SDK1: variants seen among roughly 807,000 people sequenced by gnomAD.
SDK1 encodes the protein protein sidekick-1.
A neutral mutation model predicts 245.5 loss-of-function variants in SDK1; 157 were observed. That is an observed-to-expected ratio of 0.64 (90% CI 0.56 to 0.73). The LOEUF is 0.73. SDK1 is among the 30% of genes least tolerant of loss of function. SDK1 has a pLI of 0.00. For missense variants in SDK1, 3,583 were observed against 3,002.3 expected, an observed-to-expected ratio of 1.19 and a Z score of -4.52; for synonymous variants, 1,647 against 1,278.5, an observed-to-expected ratio of 1.29 and a Z score of -6.15.
chr7:3,700,052 T>C (rs1192589582), intron 4 of SDK1, among the ~76,000 whole-genome samples: 2 of 152,316 alleles, frequency 1.3e-5, no homozygotes, highest in East Asian at 3.9e-4. Context: ...GCAAACATTT[T>C]TCACTTACTG....
In SDK1 at chr7:3,465,749, G is replaced by A. The variant is rs144461960; in HGVS notation, c.299-153331G>A. Among the ~76,000 whole-genome samples the A allele has an allele frequency of 6.1e-3, 932 of 152,280 alleles. 7 individuals are homozygous for A. The highest frequency in any genetic ancestry group is 0.01 in the Non-Finnish European group (710 of 68,018). ...GTGTGAAGGAGTGTCCTGTCAGCCA[G>A]TTGAGACCACTGTGTTGGTGTTCTC... is the stretch of plus-strand genomic sequence containing the variant. On this transcript the variant is annotated intron_variant, in intron 1 of 44. Transcript: ENST00000404826.
chr7:3,661,780 A>T (rs1413978266), intron 4 of SDK1, among the ~76,000 whole-genome samples: 6 of 152,142 alleles, frequency 3.9e-5, no homozygotes, highest in Non-Finnish European at 5.9e-5. Context: ...CCTGGCTGTG[A>T]TACCTAATAG....
rs113990104 is a variant in SDK1, at chr7:3,477,344, C to T, written c.299-141736C>T. ...CTGAGTAGCTGGGATTACAGGCGTG[C>T]GCCACCACACCTGGTGAATTTTTGT... On this transcript the variant is annotated intron_variant, in intron 1 of 44. Transcript: ENST00000404826. 5.1e-4 allele frequency among the ~76,000 whole-genome samples: 76 copies of T among 147,710 alleles called. 1 individual carries two copies. The highest frequency in any genetic ancestry group is 1.7e-3 in the East Asian group (8 of 4,814).
At chr7:4,079,697 T>G in intron 22 of SDK1, 113 bp downstream of exon 22, 1 of 1,451,332 alleles carries the variant, frequency 6.9e-7, no homozygotes, top group Non-Finnish European at 9.4e-7. Flanking sequence ...ATGGGTGTGC[T>G]TGGAGAGGGA....
chr7:3,969,744 T>G (rs1341746112), intron 11 of SDK1, among the ~76,000 whole-genome samples: 1 of 152,188 alleles, frequency 6.6e-6, no homozygotes, highest in African/African-American at 2.4e-5. Flanking sequence ...TATAAGCATT[T>G]TATAAGAAAA....
chr7:4,138,673 G>A (rs186101075), intron 28 of SDK1, among the ~76,000 whole-genome samples: 3 of 151,552 alleles, frequency 2.0e-5, no homozygotes, highest in African/African-American at 7.3e-5. Flanking sequence ...TTTGAACCTG[G>A]GAGGCAGAGG....
At chr7:3,549,384 C>G (rs1218372797) in intron 1 of SDK1, among the ~76,000 whole-genome samples, 1 of 152,124 alleles carries the variant, frequency 6.6e-6, no homozygotes, top group Non-Finnish European at 1.5e-5. Flanking sequence ...AATAATCTTG[C>G]CAAGTATTTG....
chr7:4,226,690 T>C (rs1474378680), intron 40 of SDK1, among the ~76,000 whole-genome samples: 1 of 152,186 alleles, frequency 6.6e-6, no homozygotes, highest in Admixed American at 6.5e-5. Flanking sequence ...TGTGCGTAAG[T>C]TTCCTCCAAA....
At chr7:3,403,832 T>TATATATA (rs1352317809) in intron 1 of SDK1, among the ~76,000 whole-genome samples, 1 of 43,402 alleles carries the variant, frequency 2.3e-5, no homozygotes, top group African/African-American at 2.3e-4. Context: ...TACATATATA[T>TATATATA]ATATATATAT....
chr7:4,087,938 A>G (rs1356728262), intron 22 of SDK1, among the ~76,000 whole-genome samples: 1 of 152,204 alleles, frequency 6.6e-6, no homozygotes, highest in Non-Finnish European at 1.5e-5. Context: ...GCATAGGGGA[A>G]CACAATTGAT....
At chr7:3,709,369 G>T (rs1784973283) in intron 4 of SDK1, among the ~76,000 whole-genome samples, 1 of 152,158 alleles carries the variant, frequency 6.6e-6, no homozygotes, top group Non-Finnish European at 1.5e-5. Flanking sequence ...TGCATGCAAG[G>T]CCCTTCCTTC....
intron 4 of SDK1, among the ~76,000 whole-genome samples, chr7:3,780,402 G>T (rs983626032): frequency 3.3e-5 from 5 of 152,246 alleles, no homozygotes; most frequent in Non-Finnish European, 7.3e-5. Context: ...ACAAAGAAAG[G>T]AGGCAGAGGT....
intron 40 of SDK1, among the ~76,000 whole-genome samples, chr7:4,228,474 G>A (rs1785564608): frequency 6.6e-6 from 1 of 152,216 alleles, no homozygotes; most frequent in Non-Finnish European, 1.5e-5. Flanking sequence ...AGTCATTTTG[G>A]GGGATCAGTG....
intron 1 of SDK1, among the ~76,000 whole-genome samples, chr7:3,558,401 T>A (rs1337881182): frequency 1.3e-5 from 2 of 152,242 alleles, no homozygotes; most frequent in Non-Finnish European, 2.9e-5. Context: ...TCCAGTATCT[T>A]CTTTGACCAG....
At position 3,451,161 on chromosome 7, in the gene SDK1, A is replaced by G. The variant is rs115897767; in HGVS notation, c.298+149277A>G. ...GGGCTGAGCGAGGGTGTGGGTATGTAAGATGAACAAGACGTGAGCAATGTC... is the reference window on the plus strand; with the variant it reads ...GGGCTGAGCGAGGGTGTGGGTATGTGAGATGAACAAGACGTGAGCAATGTC... On this transcript the variant is annotated intron_variant, in intron 1 of 44. Coordinates refer to ENST00000404826, the MANE Select transcript of SDK1 (RefSeq NM_152744.4). Among the ~76,000 whole-genome samples, 174 of 152,240 alleles carry G rather than the reference A, an allele frequency of 1.1e-3. 1 individual carries two copies. The highest frequency in any genetic ancestry group is 4.0e-3 in the African/African-American group (166 of 41,544).
intron 14 of SDK1, among the ~76,000 whole-genome samples, chr7:4,007,926 C>A (rs1046312650): frequency 1.3e-5 from 2 of 152,078 alleles, no homozygotes; most frequent in African/African-American, 4.8e-5. Context: ...CATAAAAAAT[C>A]CATCATGTTC....
At position 3,912,725 on chromosome 7, in the gene SDK1, C is replaced by CA. The variant is rs1466101510; in HGVS notation, c.848-38197dup. Among the ~76,000 whole-genome samples the CA allele has an allele frequency of 3.9e-5, 6 of 152,370 alleles. 1 individual carries two copies. Among genetic ancestry groups the CA allele is most frequent in the Middle Eastern group, 3.4e-3 (1 of 294 alleles). On this transcript the variant is annotated intron_variant, in intron 5 of 44. Coordinates refer to ENST00000404826, the MANE Select transcript of SDK1 (RefSeq NM_152744.4). ...ATCATTCTCCTCTGGCAGAGACCGGCACGGTCTGGCCCGTGGGGGCTCAAG... is the reference window on the plus strand; with the variant it reads ...ATCATTCTCCTCTGGCAGAGACCGGCAACGGTCTGGCCCGTGGGGGCTCAAG...
At chr7:3,807,730 A>G (rs954989466) in intron 4 of SDK1, among the ~76,000 whole-genome samples, 1 of 152,130 alleles carries the variant, frequency 6.6e-6, no homozygotes, top group Non-Finnish European at 1.5e-5. Flanking sequence ...AAAGGACTTG[A>G]TGAGAGAATA....
intron 14 of SDK1, among the ~76,000 whole-genome samples, chr7:3,996,191 A>G (rs1040065899): frequency 2.6e-5 from 4 of 152,056 alleles, no homozygotes; most frequent in South Asian, 4.1e-4. Flanking sequence ...CTCTTTTTAT[A>G]TTCAGAGGAC....
Sources: allele counts gnomAD v4.1 joint callset (sites outside exome capture counted in the v4.1 genomes callset), GRCh38; gene constraint gnomAD v4.1.1; transcripts MANE v1.5; gene names NCBI Gene and HGNC (gene_info 2026-07-23, HGNC 2026-07-21).